SEZ6L2: variants seen among roughly 807,000 people sequenced by gnomAD.
SEZ6L2 encodes seizure 6-like protein 2.
In SEZ6L2, 44 loss-of-function variants were observed where a neutral mutation model predicts 97.0. That is an observed-to-expected ratio of 0.45 (90% CI 0.36 to 0.58). The LOEUF (loss-of-function observed/expected upper bound fraction) is 0.58, where lower values mean the gene tolerates loss of function less well. Ranked by LOEUF, SEZ6L2 falls within the 20% of genes least tolerant of loss-of-function variation. The pLI, the probability that SEZ6L2 is intolerant of heterozygous loss-of-function variation, is 0.00. For synonymous variants in SEZ6L2, 543 were observed against 546.1 expected, an observed-to-expected ratio of 0.99 and a Z score of 0.08; for missense variants, 1,086 against 1,233.3, an observed-to-expected ratio of 0.88 and a Z score of 1.79.
In SEZ6L2 at chr16:29,873,436, G is replaced by C. The variant is rs200687507; in HGVS notation, c.2297-5C>G. On this transcript the variant is annotated splice_region_variant and splice_polypyrimidine_tract_variant and intron_variant, in intron 13 of 17. Coordinates refer to ENST00000617533, the MANE Select transcript of SEZ6L2 (RefSeq NM_001243332.2). The surrounding 1 kb of genome is among the most constrained non-coding windows in gnomAD (Gnocchi z 4.3). ...TCAGGCACGGCTCGTACTTCACTGC[G>C]GGGAGCATGCCAGTCACGTGCCAGC... The C allele has an allele frequency of 6.2e-7, 1 of 1,614,198 alleles. No homozygotes were observed. The highest frequency in any genetic ancestry group is 1.7e-5 in the Admixed American group (1 of 60,020).
chr16:29,886,029 T>C (rs1038731959), intron 7 of SEZ6L2: 8 of 279,716 alleles, frequency 2.9e-5, no homozygotes, highest in Middle Eastern at 1.0e-3. Context: ...AGGGCTGAGA[T>C]ACCAAGTTGC....
Position 29,896,911 on chromosome 16 carries a change from C to A in SEZ6L2, c.422G>T (p.Gly141Val), listed in dbSNP as rs991925199. ...APPPPSPASP[G>V]PPLGPEGGEE... ...TCCTCCCTCAGGCCCAAGGGGAGGC[C>A]CTGGGGAGGCAGGGCTGGGTGGGGG... Residue 141 changes from glycine (G) to valine (V), a missense_variant, in exon 3 of 18, where the codon GGG (glycine) becomes GTG (valine). Physicochemically the swap from Gly to Val is moderately radical, Grantham distance 109. Transcript: ENST00000617533. The A allele has an allele frequency of 6.2e-7, 1 of 1,613,406 alleles. No homozygotes were observed. The highest frequency in any genetic ancestry group is 2.2e-5 in the East Asian group (1 of 44,860).
chr16:29,877,262 C>A lies in SEZ6L2; in HGVS notation c.1909+9G>T. On this transcript the variant is annotated intron_variant, in intron 11 of 17. Coordinates refer to ENST00000617533, the MANE Select transcript of SEZ6L2 (RefSeq NM_001243332.2). ...CCCCTGCCCATCCCGGGACTCTATC[C>A]CTCAGTACCTTTGAAGTGCAATACG... 6.4e-7 allele frequency: 1 copy of A among 1,570,714 alleles called. No individual in the cohort carries two copies. The highest frequency in any genetic ancestry group is 1.2e-5 in the South Asian group (1 of 84,622).
chr16:29,895,977 G>T (rs1010460369), intron 3 of SEZ6L2, 117 bp from the exon 4 acceptor site: 2 of 1,147,922 alleles, frequency 1.7e-6, no homozygotes, highest in African/African-American at 1.6e-5. Context: ...TTTTTGTTTT[G>T]TTTGAGACAG....
At chr16:29,881,812 T>G (rs2068036644) in intron 8 of SEZ6L2, among the ~76,000 whole-genome samples, 1 of 144,994 alleles carries the variant, frequency 6.9e-6, no homozygotes, top group African/African-American at 2.5e-5. Context: ...ATTTTTTTAG[T>G]AGAGATGGGG....
intron 5 of SEZ6L2, among the ~76,000 whole-genome samples, chr16:29,892,205 C>T (rs890356403): frequency 6.6e-6 from 1 of 152,162 alleles, no homozygotes; most frequent in African/African-American, 2.4e-5. Context: ...CCACTCTGGA[C>T]CAGAGGCCCC....
intron 9 of SEZ6L2, 122 bp downstream of exon 9, chr16:29,879,742 A>T: frequency 1.1e-6 from 1 of 876,420 alleles, no homozygotes; most frequent in Non-Finnish European, 1.8e-6. Flanking sequence ...ACAGGGATTT[A>T]CCCAAGGCTT....
chr16:29,872,048 T>A, intron 17 of SEZ6L2, 139 bp downstream of exon 17: 2 of 697,706 alleles, frequency 2.9e-6, no homozygotes. Flanking sequence ...ACACATGGCT[T>A]GCTATGCTCA....
rs1251809965 is a variant in SEZ6L2 at position 29,872,762 on chromosome 16, G to T, written c.2489-19C>A. 1 of 1,604,160 alleles carries T rather than the reference G, an allele frequency of 6.2e-7. No homozygotes were observed. The highest frequency in any genetic ancestry group is 1.7e-5 in the Admixed American group (1 of 59,840). On this transcript the variant is annotated intron_variant, in intron 14 of 17. Coordinates refer to ENST00000617533, the MANE Select transcript of SEZ6L2 (RefSeq NM_001243332.2). Reference sequence around the variant, plus strand: ...TAGGCAACTGCAGGGAGAGGAGGGGGAGGGGATGGGGTCTGAGCCAGGGAG... The same window carrying T: ...TAGGCAACTGCAGGGAGAGGAGGGGTAGGGGATGGGGTCTGAGCCAGGGAG...
At chr16:29,886,477 C>CTT (rs2068142860) in intron 7 of SEZ6L2, among the ~76,000 whole-genome samples, 1 of 151,312 alleles carries the variant, frequency 6.6e-6, no homozygotes, top group Admixed American at 6.6e-5. Context: ...AGATCGAGAC[C>CTT]ATCCTGGCTA....
rs947998135 is a variant in SEZ6L2, at chr16:29,878,514, C to A, written c.1574-89G>T. 4.7e-6 allele frequency: 5 copies of A among 1,071,002 alleles called. No homozygotes were observed. The African/African-American group carries it at 8.1e-5, about 17-fold the overall frequency. 66.3% of individuals were successfully genotyped at this position (1,071,002 alleles called of 1,614,324 possible). A position where few individuals can be genotyped will look rare whatever the true frequency, so the allele number is the denominator to read the frequency against. The stretch of plus-strand genomic sequence containing the variant: ...TCCTCACCACTCGTGATGCGTGCAC[C>A]ACATCACCTCGCTTGTTTCCTATTA... On this transcript the variant is annotated intron_variant, in intron 9 of 17. Transcript: ENST00000617533.
intron 8 of SEZ6L2, 137 bp from the exon 9 acceptor site, chr16:29,880,201 C>T (rs1266086490): frequency 2.3e-5 from 18 of 782,338 alleles, no homozygotes; most frequent in Non-Finnish European, 3.1e-5. Flanking sequence ...CTTGTGCTGT[C>T]GCCCAGGCTG....
chr16:29,873,127 G>T lies in SEZ6L2; in HGVS notation c.2488+113C>A. 8.2e-7 allele frequency: 1 copy of T among 1,220,348 alleles called. No homozygotes were observed. The highest frequency in any genetic ancestry group is 1.1e-6 in the Non-Finnish European group (1 of 876,616). The allele number at this position is 1,220,348 out of a possible 1,614,324, so 75.6% of individuals were successfully genotyped here. On this transcript the variant is annotated intron_variant, in intron 14 of 17. Coordinates refer to ENST00000617533, the MANE Select transcript of SEZ6L2 (RefSeq NM_001243332.2). The surrounding 1 kb of genome is among the most constrained non-coding windows in gnomAD (Gnocchi z 4.3). The stretch of plus-strand genomic sequence containing the variant: ...GTGAGGACACGAGGCCACAGGAGGA[G>T]AACCGGGAGCTCTGTGGGGTCGCCC...
At position 29,898,918 on chromosome 16, in the gene SEZ6L2, C is replaced by A. The variant is rs771271483; in HGVS notation, c.79+23G>T. 3.8e-6 allele frequency: 6 copies of A among 1,595,920 alleles called. No homozygotes were observed. In the Admixed American group the frequency reaches 8.4e-5, roughly 22 times the overall value. ...CCGCTGGACGCCTTCCTGGGGCCCA[C>A]CCCCACAGTCTCATGTCCTTACCCT... On this transcript the variant is annotated intron_variant, in intron 1 of 17. Transcript: ENST00000617533.
Position 29,871,456 on chromosome 16 carries a change from G to A in SEZ6L2, c.*243C>T, listed in dbSNP as rs1041929948. Reference sequence around the variant, plus strand: ...AGAGTTCCCCTCCCAGAATCCAAAAGCCGGTAGGGCGGGGGGCAGGCCCCT... The same window carrying A: ...AGAGTTCCCCTCCCAGAATCCAAAAACCGGTAGGGCGGGGGGCAGGCCCCT... On this transcript the variant is annotated 3_prime_UTR_variant, in exon 18 of 18. Transcript: ENST00000617533. 1.7e-5 allele frequency: 10 copies of A among 587,854 alleles called. No individual in the cohort carries two copies. In the Admixed American group the frequency reaches 3.0e-4, roughly 17 times the overall value. 36.4% of individuals were successfully genotyped at this position (587,854 alleles called of 1,614,324 possible).
intron 12 of SEZ6L2, among the ~76,000 whole-genome samples, chr16:29,874,720 G>A (rs1045334506): frequency 6.6e-5 from 10 of 151,342 alleles, no homozygotes; most frequent in Non-Finnish European, 1.0e-4. Context: ...ACAGGCATTC[G>A]CTACCATGCC....
chr16:29,898,093 G>A lies in SEZ6L2; in HGVS notation c.80-109C>T. ...CTCCTCCATCAGCTGGGCCTGCAGG[G>A]GCTCAGATGGTCCCAGGCTCGACTG... On this transcript the variant is annotated intron_variant, in intron 1 of 17. Transcript: ENST00000617533. 6 of 1,499,434 alleles carry A rather than the reference G, an allele frequency of 4.0e-6. No individual in the cohort carries two copies. The South Asian group carries it at 7.2e-5, about 18-fold the overall frequency. 92.9% of individuals were successfully genotyped at this position (1,499,434 alleles called of 1,614,324 possible).
At chr16:29,879,091 C>T (rs1156594255) in intron 9 of SEZ6L2, among the ~76,000 whole-genome samples, 1 of 150,336 alleles carries the variant, frequency 6.7e-6, no homozygotes, top group South Asian at 2.1e-4. Flanking sequence ...TTAGTAGAGA[C>T]GGGGTTTCAC....
At chr16:29,893,265 G>GGT (rs1310471220) in intron 5 of SEZ6L2, among the ~76,000 whole-genome samples, 1 of 151,806 alleles carries the variant, frequency 6.6e-6, no homozygotes, top group African/African-American at 2.4e-5. Context: ...CAGAGGCTGC[G>GGT]GTGAGCCAAG....
Sources: allele counts gnomAD v4.1 joint callset (sites outside exome capture counted in the v4.1 genomes callset), GRCh38; gene constraint gnomAD v4.1.1; non-coding constraint Gnocchi (gnomAD v3.1); transcripts MANE v1.5; gene names NCBI Gene and HGNC (gene_info 2026-07-23, HGNC 2026-07-21).